Variants in PVT1 observed in about 807,000 individuals in gnomAD.
PVT1 encodes Pvt1 oncogene.
Position 127,848,875 on chromosome 8 carries a change from A to G in PVT1, n.373-41714A>G, listed in dbSNP as rs73355251. Among the ~76,000 whole-genome samples the G allele has an allele frequency of 8.9e-3, 1,359 of 152,210 alleles. 26 individuals are homozygous for G. Among genetic ancestry groups the G allele is most frequent in the African/African-American group, 0.031 (1,269 of 41,528 alleles). On this transcript the variant is annotated intron_variant and non_coding_transcript_variant, in intron 2 of 10. Coordinates refer to ENST00000651587, the Ensembl canonical transcript of PVT1. ...ATAGTGTGGAAAGGCCCTCTGAGAT[A>G]TTGCTGGGCCTTAGGGGAGGAGGTC...
chr8:127,868,418 C>T (rs1815308284), intron 2 of PVT1, among the ~76,000 whole-genome samples: 1 of 151,988 alleles, frequency 6.6e-6, no homozygotes. Context: ...GATGGAGTCT[C>T]ACTCTATTGC....
At chr8:127,941,924 A>ACCAT (rs1211038098) in intron 3 of PVT1, among the ~76,000 whole-genome samples, 2 of 151,988 alleles carry the variant, frequency 1.3e-5, no homozygotes, top group Non-Finnish European at 2.9e-5. Flanking sequence ...CCTTCCTGAG[A>ACCAT]CCATCCCCTT....
intron 3 of PVT1, among the ~76,000 whole-genome samples, chr8:127,974,543 T>C (rs1816801453): frequency 6.6e-6 from 1 of 150,884 alleles, no homozygotes. Context: ...GCCACCTGAG[T>C]AGCTGGGACT....
At chr8:128,080,839 T>C (rs1814166900) in intron 5 of PVT1, among the ~76,000 whole-genome samples, 1 of 152,216 alleles carries the variant, frequency 6.6e-6, no homozygotes, top group Non-Finnish European at 1.5e-5. Flanking sequence ...GTTTTATCGT[T>C]TTAAATTTAC....
intron 4 of PVT1, among the ~76,000 whole-genome samples, chr8:128,004,523 C>T (rs192905313): frequency 9.1e-4 from 139 of 152,246 alleles, no homozygotes; most frequent in African/African-American, 3.0e-3. Context: ...GCACAATCTC[C>T]GTTTTCCTAT....
chr8:127,902,057 T>A (rs1815765526), intron 3 of PVT1, among the ~76,000 whole-genome samples: 1 of 152,190 alleles, frequency 6.6e-6, no homozygotes, highest in African/African-American at 2.4e-5. Flanking sequence ...AAACTTAGAA[T>A]GCGTAGAAAT....
chr8:128,046,454 C>A (rs951866731), intron 4 of PVT1, among the ~76,000 whole-genome samples: 31 of 152,220 alleles, frequency 2.0e-4, no homozygotes, highest in African/African-American at 7.5e-4. Context: ...TAAGCCACTG[C>A]ATCTGTTGCC....
intron 4 of PVT1, among the ~76,000 whole-genome samples, chr8:128,019,365 T>C (rs1336783238): frequency 6.6e-6 from 1 of 152,168 alleles, no homozygotes; most frequent in African/African-American, 2.4e-5. Flanking sequence ...CTTGAGATAA[T>C]CCCTGTTGTC....
chr8:128,075,483 T>G (rs543232095), intron 5 of PVT1, among the ~76,000 whole-genome samples: 1 of 152,336 alleles, frequency 6.6e-6, no homozygotes, highest in Admixed American at 6.5e-5. Flanking sequence ...AAATATTAAA[T>G]GATTGCATTC....
At chr8:127,890,379 C>T (rs1415156687) in intron 2 of PVT1, among the ~76,000 whole-genome samples, 2 of 152,380 alleles carry the variant, frequency 1.3e-5, no homozygotes, top group East Asian at 1.9e-4. Flanking sequence ...AGTTCCCTGT[C>T]TGAGAGGTCC....
At chr8:127,804,889 A>C (rs1380636638) in intron 2 of PVT1, among the ~76,000 whole-genome samples, 1 of 147,518 alleles carries the variant, frequency 6.8e-6, no homozygotes, top group Admixed American at 6.8e-5. Context: ...CTATTAGGAC[A>C]CAGGCATTTT....
intron 2 of PVT1, among the ~76,000 whole-genome samples, chr8:127,801,244 G>GT (rs1814462297): frequency 6.6e-6 from 1 of 152,054 alleles, no homozygotes; most frequent in Non-Finnish European, 1.5e-5. Flanking sequence ...TTTTGTTTTT[G>GT]TTTTTTGTTT....
chr8:127,855,853 G>A (rs920972782), intron 2 of PVT1, among the ~76,000 whole-genome samples: 1 of 152,222 alleles, frequency 6.6e-6, no homozygotes, highest in South Asian at 2.1e-4. Flanking sequence ...AGGTGTGGCC[G>A]GTAGGGGTGG....
chr8:127,968,907 G>GAA, intron 3 of PVT1, among the ~76,000 whole-genome samples: 1 of 152,332 alleles, frequency 6.6e-6, no homozygotes, highest in East Asian at 1.9e-4. Context: ...GCAGCCACCA[G>GAA]AAGCCAGGAG....
chr8:127,807,296 AC>A (rs1814538789), intron 2 of PVT1, among the ~76,000 whole-genome samples: 2 of 152,208 alleles, frequency 1.3e-5, no homozygotes, highest in South Asian at 4.1e-4. Flanking sequence ...GTCAAAGCCT[AC>A]TTTAACTTTG....
At chr8:128,018,938 C>A (rs144918977) in intron 4 of PVT1, among the ~76,000 whole-genome samples, 2 of 152,210 alleles carry the variant, frequency 1.3e-5, no homozygotes, top group East Asian at 1.9e-4. Flanking sequence ...AGATGAGCCG[C>A]GAGGTTTGTG....
intron 4 of PVT1, among the ~76,000 whole-genome samples, chr8:128,029,748 G>A (rs1452892798): frequency 6.6e-6 from 1 of 152,146 alleles, no homozygotes; most frequent in Non-Finnish European, 1.5e-5. Context: ...GCAGTGAGCC[G>A]AGATCGCGCC....
intron 2 of PVT1, among the ~76,000 whole-genome samples, chr8:127,835,808 A>G (rs1291392295): frequency 6.6e-6 from 1 of 152,180 alleles, no homozygotes; most frequent in African/African-American, 2.4e-5. Context: ...GATGAGGTAA[A>G]TAGAATTCAT....
intron 3 of PVT1, among the ~76,000 whole-genome samples, chr8:127,941,711 T>C (rs1816352422): frequency 6.6e-6 from 1 of 152,264 alleles, no homozygotes. Context: ...AACACCGTGA[T>C]CATCATGCCT....
Sources: gnomAD v4.1 joint callset for allele counts (sites outside exome capture counted in the v4.1 genomes callset) on GRCh38, gnomAD v4.1.1 for gene constraint, MANE v1.5 for transcripts, NCBI Gene and HGNC (gene_info 2026-07-23, HGNC 2026-07-21) for gene names.